Variants in PEX2 observed in about 807,000 individuals in gnomAD.
PEX2 encodes peroxisomal biogenesis factor 2, also known as peroxisome biogenesis factor 2.
PEX2 carries 19 observed loss-of-function variants against 25.2 expected under a neutral mutation model. The observed-to-expected ratio is 0.75, with a 90% CI of 0.53 to 1.10. PEX2 has a LOEUF of 1.10. Ranked by LOEUF, PEX2 falls within the 50% of genes least tolerant of loss-of-function variation. The probability of loss-of-function intolerance (pLI) is 0.00; values close to 1 mark genes in which losing one functional copy is unlikely to be tolerated. For synonymous variants in PEX2, 141 were observed against 127.7 expected (o/e 1.10, Z -0.70); for missense variants, 347 against 350.6 (o/e 0.99, Z 0.08).
At chr8:76,993,699 G>A (rs1807240003) in intron 1 of PEX2, among the ~76,000 whole-genome samples, 1 of 152,068 alleles carries the variant, frequency 6.6e-6, no homozygotes, top group Non-Finnish European at 1.5e-5. Flanking sequence ...GAATTGCTTT[G>A]AATTGAACCA....
At chr8:76,989,175 G>T in intron 1 of PEX2, among the ~76,000 whole-genome samples, 1 of 147,500 alleles carries the variant, frequency 6.8e-6, no homozygotes. Flanking sequence ...CATGACCTTC[G>T]TTTCAAAAAA....
intron 1 of PEX2, among the ~76,000 whole-genome samples, chr8:76,999,568 T>A (rs1807433714): frequency 6.6e-6 from 1 of 152,234 alleles, no homozygotes; most frequent in South Asian, 2.1e-4. Context: ...AGCACTCAAA[T>A]TTTTTGTACT....
At chr8:76,992,584 A>C (rs1563611018) in intron 1 of PEX2, among the ~76,000 whole-genome samples, 2 of 152,218 alleles carry the variant, frequency 1.3e-5, no homozygotes, top group African/African-American at 4.8e-5. Context: ...ACAGCAGTAC[A>C]ACAAGATTTG....
intron 1 of PEX2, 136 bp downstream of exon 1, chr8:76,999,854 T>G (rs1807444910): frequency 4.4e-6 from 2 of 456,486 alleles, no homozygotes; most frequent in South Asian, 3.1e-5. Flanking sequence ...ATTTGCCTTT[T>G]CCAGGGAGAC....
chr8:76,985,664 G>A (rs574229418), intron 3 of PEX2, among the ~76,000 whole-genome samples: 3 of 152,072 alleles, frequency 2.0e-5, no homozygotes, highest in Admixed American at 6.5e-5. Context: ...TCACCACACC[G>A]GGCTTGATTA....
At chr8:76,992,477 C>T (rs150505504) in intron 1 of PEX2, among the ~76,000 whole-genome samples, 1 of 152,124 alleles carries the variant, frequency 6.6e-6, no homozygotes, top group Non-Finnish European at 1.5e-5. Context: ...TTCTAGAATA[C>T]TCTCTTTAGA....
In PEX2 at chr8:76,984,128, T is replaced by C; in HGVS notation, c.51A>G (p.Ile17Met). Residue 17 changes from isoleucine (I) to methionine (M), a missense_variant, in exon 4 of 4, where the codon ATA becomes ATG. Physicochemically the swap from Ile to Met is conservative, Grantham distance 10. Coordinates refer to ENST00000357039, the MANE Select transcript of PEX2 (RefSeq NM_000318.3). ...NAKSANRVLRISQLDALELNK... is the reference protein window; with the variant it reads ...NAKSANRVLRMSQLDALELNK... Reference sequence around the variant, plus strand: ...TTAGTTCAAGTGCATCCAACTGGCTTATTCTTAGCACTCTGTTTGCACTCT... The same window carrying C: ...TTAGTTCAAGTGCATCCAACTGGCTCATTCTTAGCACTCTGTTTGCACTCT... The C allele has an allele frequency of 6.2e-7, 1 of 1,614,072 alleles. No individual in the cohort carries two copies. The highest frequency in any genetic ancestry group is 2.2e-5 in the East Asian group (1 of 44,884).
intron 3 of PEX2, 138 bp downstream of exon 3, chr8:76,986,049 T>C (rs1230857736): frequency 6.6e-6 from 1 of 152,194 alleles, no homozygotes; most frequent in African/African-American, 2.4e-5. Flanking sequence ...GAAGACTACA[T>C]GTTTAACAAG....
chr8:76,998,936 G>A (rs796248658), intron 1 of PEX2, among the ~76,000 whole-genome samples: 8 of 151,128 alleles, frequency 5.3e-5, no homozygotes, highest in African/African-American at 1.9e-4. Context: ...TCTAGTATTC[G>A]CTCTATGTCC....
In PEX2 at chr8:76,983,165, C is replaced by T. The variant is rs1371910534; in HGVS notation, c.*96G>A. On this transcript the variant is annotated 3_prime_UTR_variant, in exon 4 of 4. Coordinates refer to ENST00000357039, the MANE Select transcript of PEX2 (RefSeq NM_000318.3). ...AGAAGACAGTGGCTAGGAGCACATT[C>T]CTTATAAAGGATACATAAATGGTAT... The T allele has an allele frequency of 2.0e-5, 32 of 1,594,028 alleles. No individual in the cohort carries two copies. The highest frequency in any genetic ancestry group is 2.7e-5 in the Non-Finnish European group (32 of 1,177,504).
intron 1 of PEX2, among the ~76,000 whole-genome samples, chr8:76,992,627 C>T (rs569550376): frequency 2.6e-5 from 4 of 152,254 alleles, no homozygotes; most frequent in African/African-American, 7.2e-5. Flanking sequence ...ATGCCATAAA[C>T]GACTTTATAT....
At chr8:76,985,315 G>C (rs1806972452) in intron 3 of PEX2, among the ~76,000 whole-genome samples, 1 of 152,110 alleles carries the variant, frequency 6.6e-6, no homozygotes, top group Non-Finnish European at 1.5e-5. Flanking sequence ...GGGAGGGTGA[G>C]AGAAATGGGA....
In PEX2 at chr8:76,983,805, C is replaced by T. The variant is rs199845625; in HGVS notation, c.374G>A (p.Arg125Gln). ...CCCAAATGATGCTAAATGATGGTTTCGAAACAAATCATAGCATCGTTCTTC... is the reference window on the plus strand; with the variant it reads ...CCCAAATGATGCTAAATGATGGTTTTGAAACAAATCATAGCATCGTTCTTC... ...WLEERCYDLF[R>Q]NHHLASFGKV... The change falls in exon 4 of 4, where the codon CGA becomes CAA. Residue 125 changes from arginine (R) to glutamine (Q), a missense_variant. Transcript: ENST00000357039. The T allele has an allele frequency of 6.5e-5, 105 of 1,614,040 alleles. No homozygotes were observed. Among genetic ancestry groups the T allele is most frequent in the Non-Finnish European group, 7.9e-5 (93 of 1,179,990 alleles).
At position 76,983,573 on chromosome 8, in the gene PEX2, T is replaced by C. The variant is rs376974246; in HGVS notation, c.606A>G (p.Glu202=). The C allele has an allele frequency of 6.2e-7, 1 of 1,613,976 alleles. No individual in the cohort carries two copies. Among genetic ancestry groups the C allele is most frequent in the Non-Finnish European group, 8.5e-7 (1 of 1,180,034 alleles). ...NRELLWHGFA[E]FLIFLLPLIN... Reference sequence around the variant, plus strand: ...TAAGTGGTAAGAGAAAAATCAGAAATTCAGCAAAACCATGCCAGAGAAGTT... The same window carrying C: ...TAAGTGGTAAGAGAAAAATCAGAAACTCAGCAAAACCATGCCAGAGAAGTT... Residue 202 remains glutamate (E), a synonymous_variant, in exon 4 of 4, where the codon GAA becomes GAG. Transcript: ENST00000357039.
rs1166318467 is a variant in PEX2 at position 76,982,811 on chromosome 8, A to T, written c.*450T>A. ...GTGACAGAGCAGGACACCGTCTCAGAAAAAAAAAAAAAAGTTACAACTGAG... is the reference window on the plus strand; with the variant it reads ...GTGACAGAGCAGGACACCGTCTCAGTAAAAAAAAAAAAAGTTACAACTGAG... On this transcript the variant is annotated 3_prime_UTR_variant, in exon 4 of 4. Transcript: ENST00000357039. The T allele has an allele frequency of 6.9e-6, 1 of 144,888 alleles. No individual in the cohort carries two copies. Among genetic ancestry groups the T allele is most frequent in the Non-Finnish European group, 1.5e-5 (1 of 67,240 alleles). The allele number at this position is 144,888 out of a possible 1,614,324, so 9.0% of individuals were successfully genotyped here.
chr8:76,992,278 C>A (rs1203527335), intron 1 of PEX2, among the ~76,000 whole-genome samples: 1 of 152,210 alleles, frequency 6.6e-6, no homozygotes, highest in Admixed American at 6.5e-5. Flanking sequence ...TGCCTGTTAT[C>A]TTGAAGTAAA....
At chr8:76,996,194 G>A (rs1807325172) in intron 1 of PEX2, among the ~76,000 whole-genome samples, 1 of 152,202 alleles carries the variant, frequency 6.6e-6, no homozygotes, top group African/African-American at 2.4e-5. Context: ...ACCAGTTACT[G>A]AGTGCTAACA....
intron 1 of PEX2, among the ~76,000 whole-genome samples, chr8:76,991,507 T>C (rs1384479759): frequency 6.6e-6 from 1 of 152,200 alleles, no homozygotes; most frequent in Non-Finnish European, 1.5e-5. Context: ...TCCAGATGAA[T>C]AATTTCTCTC....
upstream of PEX2, among the ~76,000 whole-genome samples, chr8:77,000,540 G>A (rs2132066766): frequency 6.6e-6 from 1 of 152,356 alleles, no homozygotes; most frequent in South Asian, 2.1e-4. Flanking sequence ...GGGATGGCCT[G>A]GTGGGGAGGG....
Sources: gnomAD v4.1 joint callset for allele counts (sites outside exome capture counted in the v4.1 genomes callset) on GRCh38, gnomAD v4.1.1 for gene constraint, MANE v1.5 for transcripts, NCBI Gene and HGNC (gene_info 2026-07-23, HGNC 2026-07-21) for gene names.